The following KLF13 variants were observed in gnomAD, a reference collection of about 807,000 sequenced individuals.
The protein encoded by KLF13 is Krueppel-like factor 13.
KLF13 carries 8 observed loss-of-function variants against 16.7 expected under a neutral mutation model. The ratio of observed to expected loss-of-function variants is 0.48; its 90% CI spans 0.28 to 0.87. The LOEUF is 0.87. KLF13 is among the 40% of genes least tolerant of loss of function. KLF13 has a pLI of 0.10. For missense variants in KLF13, 447 were observed against 452.2 expected, an observed-to-expected ratio of 0.99 and a Z score of 0.10; for synonymous variants, 245 against 208.4, an observed-to-expected ratio of 1.18 and a Z score of -1.51.
At position 31,374,805 on chromosome 15, in the gene KLF13, C is replaced by G. The variant is rs2039617396; in HGVS notation, c.*2506C>G. The G allele has an allele frequency of 7.4e-6, 1 of 135,856 alleles. No homozygotes were observed. Among genetic ancestry groups the G allele is most frequent in the Non-Finnish European group, 1.5e-5 (1 of 66,262 alleles). 8.4% of individuals were successfully genotyped at this position (135,856 alleles called of 1,614,324 possible). ...AGGAAGGAAAAGATAGGACTCTAAA[C>G]CTAGTCATCTTGGAATAAAAAGAAG... On this transcript the variant is annotated 3_prime_UTR_variant, in exon 2 of 2. Transcript: ENST00000307145.
At chr15:31,435,660 C>T (rs2040522763) in exon 2 of KLF13, 1 of 152,166 alleles carries the variant, frequency 6.6e-6, no homozygotes, top group Non-Finnish European at 1.5e-5. Flanking sequence ...AAGAGAGTTG[C>T]TCAGACGTCT....
intron 1 of KLF13, among the ~76,000 whole-genome samples, chr15:31,431,336 C>T (rs2040469134): frequency 6.6e-6 from 1 of 152,170 alleles, no homozygotes. Flanking sequence ...TCAGCCCACA[C>T]TGACTAAGAC....
chr15:31,329,125 C>T (rs1354043133), intron 1 of KLF13, among the ~76,000 whole-genome samples: 1 of 151,702 alleles, frequency 6.6e-6, no homozygotes, highest in Non-Finnish European at 1.5e-5. Context: ...CGCTCCAAAC[C>T]ACGTGGCAGG....
intron 1 of KLF13, among the ~76,000 whole-genome samples, chr15:31,356,361 C>G (rs1255021502): frequency 1.3e-5 from 2 of 152,196 alleles, no homozygotes; most frequent in Non-Finnish European, 2.9e-5. Context: ...TCAGACCAGC[C>G]TGACCAACAT....
chr15:31,362,629 G>A (rs1313277190), intron 1 of KLF13, among the ~76,000 whole-genome samples: 1 of 152,154 alleles, frequency 6.6e-6, no homozygotes, highest in Non-Finnish European at 1.5e-5. Context: ...TTAACTTTTT[G>A]AATAGGAAAT....
intron 1 of KLF13, among the ~76,000 whole-genome samples, chr15:31,419,819 G>A (rs551757060): frequency 1.2e-4 from 18 of 152,260 alleles, no homozygotes; most frequent in African/African-American, 3.6e-4. Context: ...CTAGAAGCTC[G>A]AAGGATGCTG....
At chr15:31,382,452 T>G (rs1206503756), downstream of KLF13, among the ~76,000 whole-genome samples, 1 of 152,190 alleles carries the variant, frequency 6.6e-6, no homozygotes, top group Non-Finnish European at 1.5e-5. Flanking sequence ...CAGCTGCCTT[T>G]TAAGCTCTGA....
intron 1 of KLF13, among the ~76,000 whole-genome samples, chr15:31,350,014 G>A (rs1289735001): frequency 6.6e-6 from 1 of 152,228 alleles, no homozygotes; most frequent in Non-Finnish European, 1.5e-5. Flanking sequence ...TGCCGAATTT[G>A]TGCTTCATGG....
At chr15:31,388,605 CAAAAA>C (rs5811640), upstream of KLF13, among the ~76,000 whole-genome samples, 1 of 92,360 alleles carries the variant, frequency 1.1e-5, no homozygotes, top group African/African-American at 3.5e-5. Flanking sequence ...AACTCTGTCT[CAAAAA>C]AAAAAAAAAA....
chr15:31,344,583 A>G (rs2039082114), intron 1 of KLF13, among the ~76,000 whole-genome samples: 1 of 152,234 alleles, frequency 6.6e-6, no homozygotes, highest in Non-Finnish European at 1.5e-5. Flanking sequence ...GGGCCAGGCC[A>G]GGGGCCCTGT....
intron 1 of KLF13, among the ~76,000 whole-genome samples, chr15:31,364,921 C>T (rs1443781106): frequency 6.6e-6 from 1 of 152,240 alleles, no homozygotes; most frequent in Admixed American, 6.5e-5. Context: ...CCCCCCACCA[C>T]AGAGGCCAGG....
chr15:31,336,381 C>T (rs1456842452), intron 1 of KLF13, among the ~76,000 whole-genome samples: 2 of 152,142 alleles, frequency 1.3e-5, no homozygotes, highest in Non-Finnish European at 2.9e-5. Context: ...GCCAAGTGTC[C>T]TGGCATGTGG....
At chr15:31,331,927 A>C (rs7166088) in intron 1 of KLF13, among the ~76,000 whole-genome samples, 1 of 152,254 alleles carries the variant, frequency 6.6e-6, no homozygotes, top group Non-Finnish European at 1.5e-5. Context: ...ATTTTGTTCC[A>C]TGTGTTTGCT....
rs567664151 is a variant in KLF13, at chr15:31,376,949, G to A, written c.*4650G>A. 7.5e-6 allele frequency: 1 copy of A among 133,746 alleles called. No homozygotes were observed. Among genetic ancestry groups the A allele is most frequent in the African/African-American group, 2.7e-5 (1 of 36,870 alleles). The allele number at this position is 133,746 out of a possible 1,614,324, so 8.3% of individuals were successfully genotyped here. ...AGAAGTAGCGTCCCCTACCCTACAA[G>A]TCACACATTCCGGGGAGGGGGGTGG... On this transcript the variant is annotated 3_prime_UTR_variant, in exon 2 of 2. Coordinates refer to ENST00000307145, the MANE Select transcript of KLF13 (RefSeq NM_015995.4).
downstream of KLF13, among the ~76,000 whole-genome samples, chr15:31,381,151 G>A (rs1217372718): frequency 7.8e-5 from 11 of 141,148 alleles, no homozygotes; most frequent in Admixed American, 2.2e-4. Context: ...CTGCCTGGGC[G>A]ACAGTGCAAG....
chr15:31,335,948 C>T (rs2038923322), intron 1 of KLF13, among the ~76,000 whole-genome samples: 1 of 152,252 alleles, frequency 6.6e-6, no homozygotes. Context: ...CTACCTTGGC[C>T]TCCTGTCTCA....
At chr15:31,400,970 A>G (rs2040027829) in intron 2 of KLF13, among the ~76,000 whole-genome samples, 1 of 151,992 alleles carries the variant, frequency 6.6e-6, no homozygotes, top group Non-Finnish European at 1.5e-5. Flanking sequence ...CTTCTGAGGC[A>G]GGTGCTGCAA....
rs76461137 is a variant in KLF13 at position 31,415,080 on chromosome 15, C to T, written n.118-20290C>T. On this transcript the variant is annotated intron_variant and non_coding_transcript_variant, in intron 1 of 1. Transcript: ENST00000558225. Reference sequence around the variant, plus strand: ...AATAATCTGGCACTTCCCTTCCTCCCCTCTCTGTTGCTTCCATTCTCTTGC... The same window carrying T: ...AATAATCTGGCACTTCCCTTCCTCCTCTCTCTGTTGCTTCCATTCTCTTGC... Among the ~76,000 whole-genome samples the T allele has an allele frequency of 4.6e-5, 7 of 152,228 alleles. No individual in the cohort carries two copies. The East Asian group carries it at 1.2e-3, about 25-fold the overall frequency.
chr15:31,353,929 C>G (rs577233414), intron 1 of KLF13, among the ~76,000 whole-genome samples: 1 of 152,348 alleles, frequency 6.6e-6, no homozygotes, highest in African/African-American at 2.4e-5. Context: ...AAAGTACACC[C>G]CCACAGCCCT....
Sources: allele counts gnomAD v4.1 joint callset (sites outside exome capture counted in the v4.1 genomes callset), GRCh38; gene constraint gnomAD v4.1.1; transcripts MANE v1.5; gene names NCBI Gene and HGNC (gene_info 2026-07-23, HGNC 2026-07-21).